PTPRT: variants seen among roughly 807,000 people sequenced by gnomAD.
PTPRT encodes the protein protein tyrosine phosphatase receptor type T.
A neutral mutation model predicts 176.8 loss-of-function variants in PTPRT; 56 were observed. That is an observed-to-expected ratio of 0.32 (90% CI 0.26 to 0.40). The LOEUF (loss-of-function observed/expected upper bound fraction) is 0.40, where lower values mean the gene tolerates loss of function less well. PTPRT is among the 10% of genes least tolerant of loss of function. PTPRT has a pLI of 1.00. For missense variants in PTPRT, 1,540 were observed against 1,908.2 expected (o/e 0.81, Z 3.60); for synonymous variants, 783 against 739.0 (o/e 1.06, Z -0.96).
At chr20:42,494,237 C>T (rs1431573860) in intron 7 of PTPRT, among the ~76,000 whole-genome samples, 1 of 151,968 alleles carries the variant, frequency 6.6e-6, no homozygotes, top group Admixed American at 6.6e-5. Flanking sequence ...AATAATGTGG[C>T]AAAAAGACAC....
intron 2 of PTPRT, among the ~76,000 whole-genome samples, chr20:42,874,072 A>G (rs114563633): frequency 0.018 from 2,700 of 152,270 alleles, 88 homozygotes; most frequent in African/African-American, 0.062. Flanking sequence ...CAGCAGCCCA[A>G]TCGGTTGAAT....
At chr20:42,184,965 C>T (rs975498662) in intron 16 of PTPRT, among the ~76,000 whole-genome samples, 2 of 152,138 alleles carry the variant, frequency 1.3e-5, no homozygotes, top group Admixed American at 1.3e-4. Context: ...CTCATCCTGG[C>T]TGCTTCTCAC....
intron 9 of PTPRT, among the ~76,000 whole-genome samples, chr20:42,388,889 T>C (rs1487336002): frequency 6.6e-6 from 1 of 152,140 alleles, no homozygotes; most frequent in African/African-American, 2.4e-5. Flanking sequence ...TGTCCATCAA[T>C]GATAGACTGG....
chr20:42,729,696 G>T (rs897432325), intron 6 of PTPRT, among the ~76,000 whole-genome samples: 1 of 152,222 alleles, frequency 6.6e-6, no homozygotes, highest in African/African-American at 2.4e-5. Context: ...GTGAGACACA[G>T]GATTGCACTC....
chr20:42,771,631 A>T (rs2077064290), intron 4 of PTPRT, 81 bp from the exon 5 acceptor site: 1 of 1,143,828 alleles, frequency 8.7e-7, no homozygotes, highest in South Asian at 1.3e-5. Flanking sequence ...GCAGCTCAGG[A>T]TGGGCACTGG....
chr20:42,873,536 C>T (rs888872285), intron 2 of PTPRT, among the ~76,000 whole-genome samples: 1 of 152,144 alleles, frequency 6.6e-6, no homozygotes, highest in Non-Finnish European at 1.5e-5. Flanking sequence ...GTATGCAATT[C>T]TAAATTTTCT....
intron 1 of PTPRT, among the ~76,000 whole-genome samples, chr20:43,052,873 T>C (rs1018248128): frequency 1.3e-5 from 2 of 152,246 alleles, no homozygotes; most frequent in African/African-American, 4.8e-5. Flanking sequence ...GGCATTTCTT[T>C]GCTAAGTTCA....
intron 11 of PTPRT, among the ~76,000 whole-genome samples, chr20:42,316,718 T>C (rs1013777969): frequency 4.6e-5 from 7 of 152,200 alleles, no homozygotes; most frequent in African/African-American, 1.7e-4. Flanking sequence ...CCCATGCTAT[T>C]GCACAGACAT....
chr20:42,978,508 C>G (rs538532062), intron 1 of PTPRT, among the ~76,000 whole-genome samples: 4 of 152,280 alleles, frequency 2.6e-5, no homozygotes, highest in African/African-American at 9.6e-5. Flanking sequence ...TTATCACCAC[C>G]AATACTGTCA....
intron 16 of PTPRT, among the ~76,000 whole-genome samples, chr20:42,186,348 G>T (rs1391537097): frequency 6.6e-6 from 1 of 151,886 alleles, no homozygotes; most frequent in Non-Finnish European, 1.5e-5. Context: ...ACTGGATTTG[G>T]CCTATGGGCC....
chr20:42,489,613 C>T lies in PTPRT; in HGVS notation c.1154-17051G>A, dbSNP rs193208346. On this transcript the variant is annotated intron_variant, in intron 7 of 30. Transcript: ENST00000373187. ...TAGAAAATGCATCCTATTACATGTG[C>T]ATTTTTAAAATTTAGATAAATGGTG... is the stretch of plus-strand genomic sequence containing the variant. Among the ~76,000 whole-genome samples the T allele has an allele frequency of 5.9e-4, 89 of 152,046 alleles. No individual in the cohort carries two copies. The East Asian group carries it at 0.016, about 28-fold the overall frequency.
intron 1 of PTPRT, among the ~76,000 whole-genome samples, chr20:43,016,422 G>A (rs1350124185): frequency 2.0e-5 from 3 of 151,368 alleles, no homozygotes; most frequent in Admixed American, 2.0e-4. Flanking sequence ...TCCCTGGACT[G>A]TGGTCTCCCC....
At chr20:42,352,841 T>C (rs769575724) in intron 9 of PTPRT, among the ~76,000 whole-genome samples, 7 of 151,950 alleles carry the variant, frequency 4.6e-5, no homozygotes. Flanking sequence ...CATAAATATA[T>C]ATACACCTAC....
At chr20:43,147,497 C>A (rs1015795299) in intron 1 of PTPRT, among the ~76,000 whole-genome samples, 6 of 152,182 alleles carry the variant, frequency 3.9e-5, no homozygotes, top group African/African-American at 1.2e-4. Context: ...ATGGAAGCCC[C>A]TGTGCCCAGA....
chr20:42,260,205 G>A (rs774110966), intron 13 of PTPRT, among the ~76,000 whole-genome samples: 6 of 152,208 alleles, frequency 3.9e-5, no homozygotes, highest in Non-Finnish European at 7.3e-5. Context: ...TCCATGGTGT[G>A]GGACACATCA....
At chr20:42,562,771 C>G (rs2072973809) in intron 7 of PTPRT, among the ~76,000 whole-genome samples, 1 of 152,168 alleles carries the variant, frequency 6.6e-6, no homozygotes, top group Non-Finnish European at 1.5e-5. Flanking sequence ...CCTCCAGGCT[C>G]AGGGCTAAAC....
Position 42,075,600 on chromosome 20 carries a change from T to C in PTPRT, c.*5279A>G, listed in dbSNP as rs1330602649. The C allele has an allele frequency of 4.8e-6, 1 of 208,884 alleles. No individual in the cohort carries two copies. Among genetic ancestry groups the C allele is most frequent in the Non-Finnish European group, 9.7e-6 (1 of 102,746 alleles). The allele number at this position is 208,884 out of a possible 1,614,324, so 12.9% of individuals were successfully genotyped here. A position where few individuals can be genotyped will look rare whatever the true frequency, so the allele number is the denominator to read the frequency against. On this transcript the variant is annotated 3_prime_UTR_variant, in exon 31 of 31. Coordinates refer to ENST00000373187, the MANE Select transcript of PTPRT (RefSeq NM_007050.6). Reference sequence around the variant, plus strand: ...ACCAAGGAATTATCATTTCCTTCAATGTCTCTGGATCTGGGTTGGGCAGTC... The same window carrying C: ...ACCAAGGAATTATCATTTCCTTCAACGTCTCTGGATCTGGGTTGGGCAGTC...
At chr20:43,062,983 G>C (rs1330304141) in intron 1 of PTPRT, among the ~76,000 whole-genome samples, 1 of 152,138 alleles carries the variant, frequency 6.6e-6, no homozygotes, top group East Asian at 1.9e-4. Flanking sequence ...AAATCTGTGA[G>C]CTCATCTCTT....
intron 1 of PTPRT, among the ~76,000 whole-genome samples, chr20:43,114,911 GTTAT>G (rs1441231498): frequency 6.6e-6 from 1 of 152,072 alleles, no homozygotes; most frequent in Non-Finnish European, 1.5e-5. Flanking sequence ...CTGAAAACTA[GTTAT>G]TTATTTATTT....
Sources: gnomAD v4.1 joint callset for allele counts (sites outside exome capture counted in the v4.1 genomes callset) on GRCh38, gnomAD v4.1.1 for gene constraint, MANE v1.5 for transcripts, NCBI Gene and HGNC (gene_info 2026-07-23, HGNC 2026-07-21) for gene names.